The following TASOR variants were observed in gnomAD, a reference collection of about 807,000 sequenced individuals.
TASOR encodes transcription activation suppressor.
TASOR carries 53 observed loss-of-function variants against 178.6 expected under a neutral mutation model. The ratio of observed to expected loss-of-function variants is 0.30; its 90% CI spans 0.24 to 0.37. TASOR has a LOEUF of 0.37. TASOR is among the 10% of genes least tolerant of loss of function. The pLI, the probability that TASOR is intolerant of heterozygous loss-of-function variation, is 1.00. For synonymous variants in TASOR, 713 were observed against 696.2 expected (o/e 1.02, Z -0.38); for missense variants, 1,815 against 1,971.4 (o/e 0.92, Z 1.50).
rs1233179220 is a variant in TASOR at position 56,623,162 on chromosome 3, G to A, written c.4888C>T (p.Gln1630Ter). 6.2e-7 allele frequency: 1 copy of A among 1,613,614 alleles called. No homozygotes were observed. Among genetic ancestry groups the A allele is most frequent in the Middle Eastern group, 1.7e-4 (1 of 6,026 alleles). ...LGTPYALSSS[Q>*]SQENENYFLS... is the part of the protein sequence containing the mutation. ...AAGTAATTCTCATTTTCTTGAGACTGACTTGATGAAAGGGCATATGGTGTC... is the reference window on the plus strand; with the variant it reads ...AAGTAATTCTCATTTTCTTGAGACTAACTTGATGAAAGGGCATATGGTGTC... The change falls in exon 24 of 24, where the codon CAG becomes TAG. Residue 1630 changes from glutamine (Q) to a stop codon, truncating the protein, a stop_gained. Coordinates refer to ENST00000683822, the MANE Select transcript of TASOR (RefSeq NM_001365635.2). LOFTEE classifies it high-confidence loss of function.
At chr3:56,659,919 G>T (rs1473295665) in intron 11 of TASOR, among the ~76,000 whole-genome samples, 1 of 151,346 alleles carries the variant, frequency 6.6e-6, no homozygotes, top group East Asian at 2.0e-4. Context: ...TTGTCACTCA[G>T]GCTGGAGCGC....
chr3:56,680,756 T>C (rs902601501), intron 1 of TASOR, among the ~76,000 whole-genome samples: 11 of 152,128 alleles, frequency 7.2e-5, no homozygotes, highest in Admixed American at 6.5e-4. Context: ...ATTACACAAG[T>C]TAAAAATTGC....
intron 1 of TASOR, among the ~76,000 whole-genome samples, chr3:56,675,027 G>A (rs2031159463): frequency 6.6e-6 from 1 of 152,074 alleles, no homozygotes; most frequent in African/African-American, 2.4e-5. Flanking sequence ...GGGTTTCACT[G>A]TGTTAGCCAG....
rs770058197 is a variant in TASOR at position 56,653,285 on chromosome 3, AAAAAG to A, written c.1369-4233_1369-4229del. The stretch of plus-strand genomic sequence containing the variant: ...CTCAAAAAAAAAAAAAAAAAAAAAA[AAAAAG>A]AAAAGACAAGCTAAAGAAAATGAGG... On this transcript the variant is annotated intron_variant, in intron 11 of 23. Coordinates refer to ENST00000683822, the MANE Select transcript of TASOR (RefSeq NM_001365635.2). 2.1e-4 allele frequency among the ~76,000 whole-genome samples: 21 copies of A among 100,638 alleles called. 4 individuals carry two copies. The highest frequency in any genetic ancestry group is 1.2e-3 in the African/African-American group (17 of 14,370). 66.0% of individuals were successfully genotyped at this position (100,638 alleles called of 152,430 possible).
chr3:56,636,505 A>G (rs1303378748), intron 17 of TASOR, among the ~76,000 whole-genome samples: 1 of 151,552 alleles, frequency 6.6e-6, no homozygotes, highest in Non-Finnish European at 1.5e-5. Context: ...CCCAGGTTCA[A>G]ACAATTCTCC....
intron 5 of TASOR, among the ~76,000 whole-genome samples, chr3:56,668,818 A>T (rs932293711): frequency 8.5e-5 from 13 of 152,148 alleles, no homozygotes; most frequent in Non-Finnish European, 1.3e-4. Flanking sequence ...CTAAAAATAC[A>T]AAAATTAGCA....
At chr3:56,624,753 C>T in intron 22 of TASOR, 75 bp downstream of exon 22, 1 of 1,551,836 alleles carries the variant, frequency 6.4e-7, no homozygotes, top group Non-Finnish European at 8.8e-7. Context: ...TTAGCAATAC[C>T]CACCACAGCC....
intron 23 of TASOR, chr3:56,623,811 C>T (rs2076741019): frequency 6.4e-7 from 1 of 1,551,238 alleles, no homozygotes; most frequent in Non-Finnish European, 8.7e-7. Context: ...ATCCCAACTC[C>T]CAGCTCCAAA....
intron 7 of TASOR, chr3:56,663,803 G>GAAA: frequency 5.9e-6 from 6 of 1,011,370 alleles, no homozygotes; most frequent in Non-Finnish European, 7.1e-6. Context: ...AAATTTAAGG[G>GAAA]AGTTGTTTTT....
rs550770094 is a variant in TASOR at position 56,643,024 on chromosome 3, A to G, written c.2216-1272T>C. The stretch of plus-strand genomic sequence containing the variant: ...CACGCCTGTAATCTCAGCACTTTGG[A>G]AGGCTGAGGAGGGTGGATCACCTGA... On this transcript the variant is annotated intron_variant, in intron 14 of 23. Coordinates refer to ENST00000683822, the MANE Select transcript of TASOR (RefSeq NM_001365635.2). Among the ~76,000 whole-genome samples the G allele has an allele frequency of 6.6e-4, 100 of 151,790 alleles. 1 individual carries two copies. The highest frequency in any genetic ancestry group is 2.2e-3 in the African/African-American group (92 of 41,392).
chr3:56,682,762 G>A lies in TASOR; in HGVS notation c.245C>T (p.Ala82Val). The A allele has an allele frequency of 1.3e-6, 2 of 1,539,774 alleles. No individual in the cohort carries two copies. The highest frequency in any genetic ancestry group is 8.8e-7 in the Non-Finnish European group (1 of 1,140,582). ...EQPQDSSEAG[A>V]AALPRGPEEP... ...TTCGGGGCCTCTGGGCAGGGCGGCC[G>A]CGCCCGCCTCAGAGGAGTCCTGAGG... The change falls in exon 1 of 24, where the codon GCG (alanine) becomes GTG (valine). Residue 82 changes from alanine (A) to valine (V), a missense_variant. Physicochemically the swap from Ala to Val is moderately conservative, Grantham distance 64. Transcript: ENST00000683822.
At chr3:56,668,623 T>C (rs1329615912) in intron 5 of TASOR, 65 bp from the exon 6 acceptor site, 1 of 1,126,702 alleles carries the variant, frequency 8.9e-7, no homozygotes, top group Non-Finnish European at 1.2e-6. Context: ...AACATTAATA[T>C]TATGAAATAC....
intron 7 of TASOR, among the ~76,000 whole-genome samples, chr3:56,664,536 C>T (rs1366137802): frequency 6.6e-6 from 1 of 151,970 alleles, no homozygotes; most frequent in Non-Finnish European, 1.5e-5. Context: ...ATAAAAGGAC[C>T]GTAAATGGAA....
At chr3:56,642,907 C>T (rs1179515835) in intron 14 of TASOR, among the ~76,000 whole-genome samples, 1 of 151,822 alleles carries the variant, frequency 6.6e-6, no homozygotes, top group Non-Finnish European at 1.5e-5. Context: ...ACCCAGGAGG[C>T]GGAGGTTGCG....
intron 1 of TASOR, among the ~76,000 whole-genome samples, chr3:56,676,989 ATTTCTCATTT>A (rs2031356750): frequency 6.6e-6 from 1 of 152,218 alleles, no homozygotes; most frequent in South Asian, 2.1e-4. Flanking sequence ...GCCGGTTATA[ATTTCTCATTT>A]TTTCTGGTGA....
At chr3:56,638,469 C>G (rs1264787967) in intron 17 of TASOR, among the ~76,000 whole-genome samples, 1 of 152,130 alleles carries the variant, frequency 6.6e-6, no homozygotes, top group Non-Finnish European at 1.5e-5. Flanking sequence ...AAGATAGACT[C>G]TACTATGGGT....
intron 11 of TASOR, among the ~76,000 whole-genome samples, chr3:56,650,386 A>G (rs555380132): frequency 6.6e-6 from 1 of 152,256 alleles, no homozygotes; most frequent in South Asian, 2.1e-4. Flanking sequence ...TCCAGGGTCA[A>G]CTTCTCCTTC....
chr3:56,677,390 C>T (rs2031394905), intron 1 of TASOR, among the ~76,000 whole-genome samples: 1 of 152,166 alleles, frequency 6.6e-6, no homozygotes, highest in South Asian at 2.1e-4. Flanking sequence ...TGGTTAAGTA[C>T]CACCTTCAAT....
intron 17 of TASOR, among the ~76,000 whole-genome samples, chr3:56,637,919 T>A (rs1370569150): frequency 6.6e-6 from 1 of 152,166 alleles, no homozygotes; most frequent in Non-Finnish European, 1.5e-5. Context: ...ATCAATAATA[T>A]CTGCAACTGT....
Sources: allele counts gnomAD v4.1 joint callset (sites outside exome capture counted in the v4.1 genomes callset), GRCh38; gene constraint gnomAD v4.1.1; transcripts MANE v1.5; gene names NCBI Gene and HGNC (gene_info 2026-07-23, HGNC 2026-07-21).